OR6N1: variants seen among roughly 807,000 people sequenced by gnomAD.
The protein encoded by OR6N1 is olfactory receptor 6N1.
For synonymous variants in OR6N1, 170 were observed against 150.7 expected (o/e 1.13, Z -0.94); for missense variants, 394 against 371.7 (o/e 1.06, Z -0.49).
chr1:158,823,087 G>T, the OR6N1 span, among the ~76,000 whole-genome samples: 1 of 152,102 alleles, frequency 6.6e-6, no homozygotes, highest in Non-Finnish European at 1.5e-5. Context: ...CTAGTGTTTT[G>T]ATTTGATGCT....
the OR6N1 span, among the ~76,000 whole-genome samples, chr1:158,817,981 G>T: frequency 6.6e-6 from 1 of 152,156 alleles, no homozygotes; most frequent in Non-Finnish European, 1.5e-5. Flanking sequence ...AGGTGTCTCA[G>T]GTCAGTGAAA....
chr1:158,838,387 A>T, the OR6N1 span, among the ~76,000 whole-genome samples: 287 of 152,148 alleles, frequency 1.9e-3, 2 homozygotes, highest in African/African-American at 6.6e-3. Flanking sequence ...TTCTTTAAAC[A>T]CTTGAAATGT....
chr1:158,794,536 G>C, the OR6N1 span, among the ~76,000 whole-genome samples: 944 of 152,240 alleles, frequency 6.2e-3, 14 homozygotes, highest in African/African-American at 0.022. Flanking sequence ...AAGGGATCCT[G>C]TGATATGATC....
At chr1:158,779,819 A>G in the OR6N1 span, among the ~76,000 whole-genome samples, 1 of 152,228 alleles carries the variant, frequency 6.6e-6, no homozygotes, top group Non-Finnish European at 1.5e-5. Context: ...CCTCAGAAAA[A>G]GAATTATTTA....
the OR6N1 span, among the ~76,000 whole-genome samples, chr1:158,790,295 G>A: frequency 6.6e-6 from 1 of 151,092 alleles, no homozygotes; most frequent in African/African-American, 2.4e-5. Context: ...TGTTCTTTTT[G>A]TTCAAAACTG....
the OR6N1 span, among the ~76,000 whole-genome samples, chr1:158,782,191 A>G: frequency 1.5e-4 from 23 of 152,346 alleles, no homozygotes; most frequent in African/African-American, 3.4e-4. Context: ...TTTATTATGT[A>G]TAAATGTGTA....
At chr1:158,821,375 A>G in the OR6N1 span, among the ~76,000 whole-genome samples, 1 of 152,148 alleles carries the variant, frequency 6.6e-6, no homozygotes, top group African/African-American at 2.4e-5. Context: ...TCACACATTC[A>G]ATACATTTAC....
At chr1:158,779,300 C>A in the OR6N1 span, among the ~76,000 whole-genome samples, 29 of 131,794 alleles carry the variant, frequency 2.2e-4, no homozygotes, top group Admixed American at 1.6e-3. Context: ...GATCATACTG[C>A]AATTGAAGAG....
chr1:158,821,726 G>A, the OR6N1 span, among the ~76,000 whole-genome samples: 38 of 152,236 alleles, frequency 2.5e-4, no homozygotes, highest in Admixed American at 3.9e-4. Flanking sequence ...GCAATTATGA[G>A]TAAAGAGGCT....
chr1:158,799,169 C>A, the OR6N1 span, among the ~76,000 whole-genome samples: 1 of 152,174 alleles, frequency 6.6e-6, no homozygotes, highest in Non-Finnish European at 1.5e-5. Context: ...TGAGAAGATT[C>A]CAGGTGACTT....
At chr1:158,816,387 AAGAG>A in the OR6N1 span, among the ~76,000 whole-genome samples, 1 of 152,046 alleles carries the variant, frequency 6.6e-6, no homozygotes, top group African/African-American at 2.4e-5. Context: ...GAGATGGTCA[AAGAG>A]AGATAAATTT....
chr1:158,786,422 TA>T, the OR6N1 span, among the ~76,000 whole-genome samples: 1 of 152,278 alleles, frequency 6.6e-6, no homozygotes, highest in Admixed American at 6.5e-5. Context: ...ACAACCACTA[TA>T]AAAAACAGTA....
At chr1:158,820,482 G>A in the OR6N1 span, among the ~76,000 whole-genome samples, 2 of 152,196 alleles carry the variant, frequency 1.3e-5, no homozygotes, top group Non-Finnish European at 2.9e-5. Flanking sequence ...GAAGAATTAA[G>A]TAAGATAATT....
the OR6N1 span, among the ~76,000 whole-genome samples, chr1:158,779,018 CAAAA>C: frequency 1.2e-5 from 1 of 86,408 alleles, no homozygotes; most frequent in Non-Finnish European, 2.1e-5. Context: ...GACTGCGTCT[CAAAA>C]AAAAAAAAAA....
the OR6N1 span, among the ~76,000 whole-genome samples, chr1:158,814,478 G>T: frequency 5.9e-5 from 9 of 152,258 alleles, no homozygotes; most frequent in Non-Finnish European, 1.0e-4. Context: ...CCGCAGATTC[G>T]GTGGCTTATA....
At chr1:158,770,283 C>G (rs888642745) in intron 1 of OR6N1, among the ~76,000 whole-genome samples, 3 of 152,150 alleles carry the variant, frequency 2.0e-5, no homozygotes, top group South Asian at 2.1e-4. Context: ...CTGTTGTTCA[C>G]TCCCTCCATA....
chr1:158,771,710 G>T (rs151246306), intron 1 of OR6N1, among the ~76,000 whole-genome samples: 2 of 152,120 alleles, frequency 1.3e-5, no homozygotes, highest in African/African-American at 4.8e-5. Context: ...CACACTCAAC[G>T]TCTTCATTTA....
intron 1 of OR6N1, among the ~76,000 whole-genome samples, chr1:158,767,326 AG>A (rs1657300746): frequency 6.6e-6 from 1 of 152,148 alleles, no homozygotes; most frequent in South Asian, 2.1e-4. Flanking sequence ...AGAAGGTTAG[AG>A]TAAATAAAAA....
the OR6N1 span, chr1:158,796,188 T>C: frequency 6.6e-6 from 1 of 152,270 alleles, no homozygotes; most frequent in African/African-American, 2.4e-5. Flanking sequence ...TCTTGGAAAG[T>C]ACTTAGAGTC....
Sources: gnomAD v4.1 joint callset for allele counts (sites outside exome capture counted in the v4.1 genomes callset) on GRCh38, gnomAD v4.1.1 for gene constraint, MANE v1.5 for transcripts, NCBI Gene and HGNC (gene_info 2026-07-23, HGNC 2026-07-21) for gene names.